IMMP1L: variants seen among roughly 807,000 people sequenced by gnomAD.
IMMP1L encodes mitochondrial inner membrane protease subunit 1.
Under a neutral mutation model 21.8 loss-of-function variants are expected in IMMP1L, and 24 were observed. The ratio of observed to expected loss-of-function variants is 1.10; its 90% CI spans 0.80 to 1.55. The LOEUF (loss-of-function observed/expected upper bound fraction) is 1.55. Ranked by LOEUF, IMMP1L falls within the 40% of genes most tolerant of loss-of-function variation. The pLI, the probability that IMMP1L is intolerant of heterozygous loss-of-function variation, is 0.00. For synonymous variants in IMMP1L, 46 were observed against 62.8 expected (o/e 0.73, Z 1.26); for missense variants, 195 against 200.7 (o/e 0.97, Z 0.17).
At chr11:31,488,411 T>C (rs1955152352) in intron 1 of IMMP1L, among the ~76,000 whole-genome samples, 2 of 152,130 alleles carry the variant, frequency 1.3e-5, no homozygotes, top group Admixed American at 1.3e-4. Context: ...AAAAAATGAC[T>C]TAAAAAAACA....
chr11:31,438,948 GAA>G (rs1953218682), intron 4 of IMMP1L, among the ~76,000 whole-genome samples: 1 of 152,148 alleles, frequency 6.6e-6, no homozygotes, highest in African/African-American at 2.4e-5. Flanking sequence ...AGTGAATACA[GAA>G]TTCTGGATTG....
intron 1 of IMMP1L, among the ~76,000 whole-genome samples, chr11:31,484,225 A>G (rs1226541357): frequency 6.6e-6 from 1 of 151,952 alleles, no homozygotes; most frequent in Non-Finnish European, 1.5e-5. Flanking sequence ...TATATACAGT[A>G]AAAGTCCCAT....
rs1288376292 is a variant in IMMP1L at position 31,496,471 on chromosome 11, T to C, written c.-30+13048A>G. ...CATATAATCCAGCAATTCCATTGTA[T>C]GGTATATACCCAAAGGAAATGAAAA... On this transcript the variant is annotated intron_variant, in intron 1 of 5. Coordinates refer to ENST00000532287, the MANE Select transcript of IMMP1L (RefSeq NM_001304274.2). 2.6e-5 allele frequency among the ~76,000 whole-genome samples: 4 copies of C among 152,256 alleles called. No individual in the cohort carries two copies. In the East Asian group the frequency reaches 7.7e-4, roughly 29 times the overall value.
At chr11:31,467,404 A>T (rs1275934924) in intron 1 of IMMP1L, among the ~76,000 whole-genome samples, 1 of 152,122 alleles carries the variant, frequency 6.6e-6, no homozygotes, top group Non-Finnish European at 1.5e-5. Flanking sequence ...ACCAGTGCAG[A>T]ACAGTCAGTG....
In IMMP1L at chr11:31,433,459, C is replaced by A. The variant is rs1193761019; in HGVS notation, c.432+1G>T. 5.2e-6 allele frequency: 8 copies of A among 1,524,262 alleles called. No individual in the cohort carries two copies. Among genetic ancestry groups the A allele is most frequent in the Middle Eastern group, 2.2e-4 (1 of 4,594 alleles). 94.4% of individuals were successfully genotyped at this position (1,524,262 alleles called of 1,614,324 possible). A position where few individuals can be genotyped will look rare whatever the true frequency, so the allele number is the denominator to read the frequency against. On this transcript the variant is annotated splice_donor_variant, in intron 5 of 5. Coordinates refer to ENST00000532287, the MANE Select transcript of IMMP1L (RefSeq NM_001304274.2). LOFTEE classifies it high-confidence loss of function. ...CTTACATTTTAAGCAGAAAATGGTA[C>A]CTTAAAGAAGATTCGTCCTCTTATT...
At chr11:31,504,154 T>C (rs966255851) in intron 1 of IMMP1L, among the ~76,000 whole-genome samples, 2 of 152,134 alleles carry the variant, frequency 1.3e-5, no homozygotes, top group Admixed American at 6.6e-5. Context: ...ATGGAGATCA[T>C]CTTCGAAATT....
intron 1 of IMMP1L, among the ~76,000 whole-genome samples, chr11:31,486,568 ATT>A (rs79802691): frequency 0.087 from 13,259 of 151,938 alleles, 815 homozygotes; most frequent in Non-Finnish European, 0.13. Flanking sequence ...AACATTTAAT[ATT>A]GTTACTGTCA....
At chr11:31,479,300 A>C (rs1954816759) in intron 1 of IMMP1L, among the ~76,000 whole-genome samples, 1 of 152,056 alleles carries the variant, frequency 6.6e-6, no homozygotes, top group Admixed American at 6.6e-5. Context: ...CAATCTCTTT[A>C]AACATATCTG....
At chr11:31,450,095 TAGA>T (rs1365950350) in intron 4 of IMMP1L, among the ~76,000 whole-genome samples, 2 of 152,154 alleles carry the variant, frequency 1.3e-5, no homozygotes, top group Non-Finnish European at 2.9e-5. Context: ...CAGAAAATCC[TAGA>T]AGGAGAAATT....
intron 1 of IMMP1L, among the ~76,000 whole-genome samples, chr11:31,481,423 G>C (rs1232270362): frequency 6.6e-6 from 1 of 152,004 alleles, no homozygotes; most frequent in African/African-American, 2.4e-5. Flanking sequence ...ATATCTAAAT[G>C]CTTAGTGAAG....
chr11:31,460,538 T>A (rs1954102311), intron 3 of IMMP1L, 88 bp downstream of exon 3: 2 of 724,134 alleles, frequency 2.8e-6, no homozygotes, highest in East Asian at 2.7e-5. Flanking sequence ...AAAGAGGTTT[T>A]AAAGATAAAG....
At chr11:31,471,004 C>T (rs576837994) in intron 1 of IMMP1L, among the ~76,000 whole-genome samples, 19 of 152,232 alleles carry the variant, frequency 1.2e-4, no homozygotes, top group South Asian at 1.2e-3. Flanking sequence ...GGCTAACAGA[C>T]GCAAAATTAC....
intron 4 of IMMP1L, chr11:31,452,908 G>A (rs547114200): frequency 5.1e-5 from 30 of 593,952 alleles, no homozygotes; most frequent in African/African-American, 4.6e-4. Flanking sequence ...CTGCCACCAC[G>A]CCTGGCTAAT....
chr11:31,470,331 T>C (rs1460971802), intron 1 of IMMP1L, among the ~76,000 whole-genome samples: 1 of 151,908 alleles, frequency 6.6e-6, no homozygotes, highest in African/African-American at 2.4e-5. Flanking sequence ...GAGAATCGCT[T>C]GAACCCGGGA....
chr11:31,490,247 G>A (rs1955210531), intron 1 of IMMP1L, among the ~76,000 whole-genome samples: 3 of 152,136 alleles, frequency 2.0e-5, no homozygotes, highest in Admixed American at 2.0e-4. Flanking sequence ...GCCAAGGTGG[G>A]TGGATCACGA....
intron 1 of IMMP1L, among the ~76,000 whole-genome samples, chr11:31,503,254 T>C (rs917251648): frequency 6.6e-6 from 1 of 152,154 alleles, no homozygotes; most frequent in Non-Finnish European, 1.5e-5. Context: ...CCATAAGTTA[T>C]AGGAGCAGCT....
intron 1 of IMMP1L, among the ~76,000 whole-genome samples, chr11:31,502,561 T>C (rs547462976): frequency 2.0e-5 from 3 of 152,358 alleles, no homozygotes; most frequent in East Asian, 3.9e-4. Context: ...TTTTTTCATA[T>C]GAAATAGTTT....
chr11:31,493,072 G>A (rs766130220), intron 1 of IMMP1L, among the ~76,000 whole-genome samples: 3 of 152,188 alleles, frequency 2.0e-5, no homozygotes, highest in East Asian at 1.9e-4. Context: ...CTCGATACAG[G>A]GAAGCACAAA....
At chr11:31,436,936 T>C (rs888910083) in intron 4 of IMMP1L, 1 of 186,560 alleles carries the variant, frequency 5.4e-6, no homozygotes, top group African/African-American at 2.3e-5. Context: ...TTAATGACCA[T>C]GCATCCATTT....
Sources: gnomAD v4.1 joint callset for allele counts (sites outside exome capture counted in the v4.1 genomes callset) on GRCh38, gnomAD v4.1.1 for gene constraint, MANE v1.5 for transcripts, NCBI Gene and HGNC (gene_info 2026-07-23, HGNC 2026-07-21) for gene names.